Variants in RSRC1 observed in about 807,000 individuals in gnomAD.
RSRC1 encodes arginine and serine rich coiled-coil 1.
RSRC1 carries 39 observed loss-of-function variants against 49.1 expected under a neutral mutation model. The observed-to-expected ratio is 0.79, with a 90% confidence interval of 0.61 to 1.04. The LOEUF (loss-of-function observed/expected upper bound fraction) is 1.04, where lower values mean the gene tolerates loss of function less well. Among genes scored for constraint, RSRC1 ranks in the 50% least tolerant of loss-of-function variants. The pLI is 0.00. For missense variants in RSRC1, 388 were observed against 402.4 expected, an observed-to-expected ratio of 0.96 and a Z score of 0.31; for synonymous variants, 143 against 130.8, an observed-to-expected ratio of 1.09 and a Z score of -0.63.
chr3:158,378,349 C>T (rs1438109773), intron 6 of RSRC1, among the ~76,000 whole-genome samples: 1 of 152,104 alleles, frequency 6.6e-6, no homozygotes, highest in Non-Finnish European at 1.5e-5. Flanking sequence ...AGGTTGGTTG[C>T]TGTTGATTTT....
chr3:158,188,776 C>T (rs575253727), intron 3 of RSRC1, among the ~76,000 whole-genome samples: 1 of 151,936 alleles, frequency 6.6e-6, no homozygotes, highest in Admixed American at 6.6e-5. Flanking sequence ...CCTTATTAAT[C>T]TTTCAAAGAA....
chr3:158,438,094 A>G (rs1402359694), intron 6 of RSRC1, among the ~76,000 whole-genome samples: 1 of 152,186 alleles, frequency 6.6e-6, no homozygotes, highest in African/African-American at 2.4e-5. Flanking sequence ...TAAAATACCT[A>G]GGAATCCAAC....
At chr3:158,227,847 G>C (rs939995366) in intron 4 of RSRC1, among the ~76,000 whole-genome samples, 1 of 152,000 alleles carries the variant, frequency 6.6e-6, no homozygotes, top group Admixed American at 6.6e-5. Flanking sequence ...TAGATGAATA[G>C]GCATGTCTGT....
intron 4 of RSRC1, among the ~76,000 whole-genome samples, chr3:158,257,928 C>G (rs6801992): frequency 2.0e-5 from 3 of 152,154 alleles, no homozygotes; most frequent in Non-Finnish European, 2.9e-5. Context: ...AATACAAACT[C>G]TATGCCTTAA....
At chr3:158,525,400 G>A (rs1011336733) in intron 7 of RSRC1, among the ~76,000 whole-genome samples, 1 of 151,826 alleles carries the variant, frequency 6.6e-6, no homozygotes, top group African/African-American at 2.4e-5. Flanking sequence ...ATCTGATAAC[G>A]CCAACTGTTG....
chr3:158,530,522 A>G (rs565492151), intron 7 of RSRC1, among the ~76,000 whole-genome samples: 1 of 152,018 alleles, frequency 6.6e-6, no homozygotes, highest in South Asian at 2.1e-4. Flanking sequence ...TCATGAAGGA[A>G]GAAACTCTCA....
At chr3:158,149,076 G>T (rs576751655) in intron 3 of RSRC1, among the ~76,000 whole-genome samples, 4 of 152,120 alleles carry the variant, frequency 2.6e-5, no homozygotes, top group African/African-American at 7.2e-5. Flanking sequence ...GAGCCACTGC[G>T]CCCAGTCACA....
intron 5 of RSRC1, among the ~76,000 whole-genome samples, chr3:158,351,332 A>G (rs1730862263): frequency 6.6e-6 from 1 of 152,244 alleles, no homozygotes; most frequent in Admixed American, 6.5e-5. Context: ...TCACGCTAAG[A>G]AAAGGCTATT....
chr3:158,286,062 A>C (rs1726534918), intron 4 of RSRC1, among the ~76,000 whole-genome samples: 1 of 152,132 alleles, frequency 6.6e-6, no homozygotes, highest in African/African-American at 2.4e-5. Context: ...TTTGTACAGT[A>C]TTTGTTTTGT....
intron 7 of RSRC1, among the ~76,000 whole-genome samples, chr3:158,527,642 T>C (rs1304876023): frequency 2.0e-5 from 3 of 151,950 alleles, no homozygotes; most frequent in Non-Finnish European, 4.4e-5. Flanking sequence ...CTTCTGATAC[T>C]CCTCATTTCC....
rs963806116 is a variant in RSRC1, at chr3:158,287,130, C to T, written c.495-10909C>T. Among the ~76,000 whole-genome samples the T allele has an allele frequency of 2.6e-5, 4 of 152,168 alleles. 1 individual carries two copies. Among genetic ancestry groups the T allele is most frequent in the Middle Eastern group, 6.8e-3 (2 of 294 alleles). On this transcript the variant is annotated intron_variant, in intron 4 of 9. Transcript: ENST00000611884. ...CGTGAGTCACTGCGCCTAGCCTTTT[C>T]CCTCAGTTTTAACAGCTAAAGACTT...
At chr3:158,174,704 A>G (rs972494042) in intron 3 of RSRC1, among the ~76,000 whole-genome samples, 6 of 152,052 alleles carry the variant, frequency 3.9e-5, no homozygotes, top group African/African-American at 1.4e-4. Flanking sequence ...TGTAGCTCTC[A>G]TTCATCATTG....
In RSRC1 at chr3:158,453,711, CTCT is replaced by C. The variant is rs1234499524; in HGVS notation, c.584-7213_584-7211del. ...CTTATCTTTTTAACCTTTTCGGGTTCTCTTCTTCTTCTTAATTCCCCGCAGAAA... is the reference window on the plus strand; with the variant it reads ...CTTATCTTTTTAACCTTTTCGGGTTCTCTTCTTCTTAATTCCCCGCAGAAA... On this transcript the variant is annotated intron_variant, in intron 6 of 9. Coordinates refer to ENST00000611884, the MANE Select transcript of RSRC1 (RefSeq NM_001271838.2). Among the ~76,000 whole-genome samples the C allele has an allele frequency of 7.2e-5, 11 of 151,990 alleles. No homozygotes were observed. In the South Asian group the frequency reaches 1.5e-3, roughly 20 times the overall value.
At chr3:158,434,916 C>G (rs1233742956) in intron 6 of RSRC1, among the ~76,000 whole-genome samples, 1 of 151,882 alleles carries the variant, frequency 6.6e-6, no homozygotes, top group African/African-American at 2.4e-5. Flanking sequence ...AATGAAAGTA[C>G]ATTCTGGAGT....
intron 3 of RSRC1, among the ~76,000 whole-genome samples, chr3:158,188,029 C>T (rs925314358): frequency 5.9e-5 from 9 of 151,850 alleles, no homozygotes; most frequent in African/African-American, 1.2e-4. Context: ...AACCTCATCA[C>T]GTAGCTATAC....
At chr3:158,243,682 G>A (rs904736455) in intron 4 of RSRC1, among the ~76,000 whole-genome samples, 3 of 152,098 alleles carry the variant, frequency 2.0e-5, no homozygotes, top group Non-Finnish European at 2.9e-5. Flanking sequence ...AGCATGGAGT[G>A]TTTTTCCATT....
intron 4 of RSRC1, among the ~76,000 whole-genome samples, chr3:158,245,811 C>G (rs778257485): frequency 6.6e-6 from 1 of 152,008 alleles, no homozygotes; most frequent in Non-Finnish European, 1.5e-5. Context: ...TTGTGTAATG[C>G]TCTTCTTTGT....
chr3:158,339,059 G>A (rs113956872), intron 5 of RSRC1, among the ~76,000 whole-genome samples: 2,598 of 152,174 alleles, frequency 0.017, 67 homozygotes, highest in African/African-American at 0.06. Flanking sequence ...TTGGGAGGCC[G>A]AGGAGGATGG....
In RSRC1 at chr3:158,370,438, G is replaced by A. The variant is rs1292219503; in HGVS notation, c.583+15530G>A. Among the ~76,000 whole-genome samples the A allele has an allele frequency of 2.6e-5, 4 of 151,858 alleles. No individual in the cohort carries two copies. In the East Asian group the frequency reaches 7.7e-4, roughly 29 times the overall value. On this transcript the variant is annotated intron_variant, in intron 6 of 9. Transcript: ENST00000611884. The stretch of plus-strand genomic sequence containing the variant: ...TCTCTCTCCCTATTCCTGGACCTTA[G>A]CAACCACTAATCTGCTTTATGTCAC...
Sources: allele counts gnomAD v4.1 joint callset (sites outside exome capture counted in the v4.1 genomes callset), GRCh38; gene constraint gnomAD v4.1.1; transcripts MANE v1.5; gene names NCBI Gene and HGNC (gene_info 2026-07-23, HGNC 2026-07-21).